Variants in DPYD observed in about 807,000 individuals in gnomAD.
The protein encoded by DPYD is dihydropyrimidine dehydrogenase.
A neutral mutation model predicts 116.2 loss-of-function variants in DPYD; 109 were observed. The observed-to-expected ratio is 0.94, with a 90% CI of 0.80 to 1.10. The LOEUF (loss-of-function observed/expected upper bound fraction) is 1.10, where lower values mean the gene tolerates loss of function less well. DPYD is among the 50% of genes least tolerant of loss of function. DPYD has a pLI of 0.00. For synonymous variants in DPYD, 440 were observed against 432.0 expected (o/e 1.02, Z -0.23); for missense variants, 1,302 against 1,254.5 (o/e 1.04, Z -0.57).
intron 8 of DPYD, among the ~76,000 whole-genome samples, chr1:97,631,120 C>T (rs985199300): frequency 6.6e-6 from 1 of 152,048 alleles, no homozygotes; most frequent in Admixed American, 6.6e-5. Context: ...TGGGCTATGG[C>T]GTCTCAACAG....
At chr1:97,514,684 A>C (rs1476092902) in intron 13 of DPYD, among the ~76,000 whole-genome samples, 3 of 151,804 alleles carry the variant, frequency 2.0e-5, no homozygotes, top group Non-Finnish European at 4.4e-5. Context: ...AATATAAAAA[A>C]TCTTTACGAA....
intron 12 of DPYD, among the ~76,000 whole-genome samples, chr1:97,536,503 T>C (rs1650009485): frequency 6.6e-6 from 1 of 152,182 alleles, no homozygotes; most frequent in African/African-American, 2.4e-5. Flanking sequence ...AGAAGTCAGC[T>C]CTGTTGATAA....
chr1:97,816,014 A>G (rs1426679690), intron 3 of DPYD, among the ~76,000 whole-genome samples: 1 of 152,096 alleles, frequency 6.6e-6, no homozygotes, highest in African/African-American at 2.4e-5. Flanking sequence ...ACCAAATAAC[A>G]TCTTGCACAT....
intron 8 of DPYD, among the ~76,000 whole-genome samples, chr1:97,670,107 AG>A (rs1659776066): frequency 6.6e-6 from 1 of 152,280 alleles, no homozygotes; most frequent in East Asian, 1.9e-4. Flanking sequence ...GCGGAGGGGA[AG>A]GGTTGTGTAC....
chr1:97,417,536 A>G (rs1228191219), intron 14 of DPYD, among the ~76,000 whole-genome samples: 1 of 152,238 alleles, frequency 6.6e-6, no homozygotes, highest in Admixed American at 6.5e-5. Flanking sequence ...TTGAGCTGAA[A>G]GATTGAAGGA....
chr1:97,178,499 T>C (rs535544687), intron 20 of DPYD, among the ~76,000 whole-genome samples: 2 of 152,180 alleles, frequency 1.3e-5, no homozygotes, highest in South Asian at 2.1e-4. Flanking sequence ...CTTATGAAAC[T>C]ATCAGATCTC....
chr1:97,441,985 G>A (rs1675822463), intron 14 of DPYD, among the ~76,000 whole-genome samples: 1 of 152,108 alleles, frequency 6.6e-6, no homozygotes, highest in Non-Finnish European at 1.5e-5. Context: ...GAGTTTTCCA[G>A]TTTGGCTGGC....
intron 19 of DPYD, among the ~76,000 whole-genome samples, chr1:97,206,646 A>ATGTATG (rs10651231): frequency 9.5e-4 from 40 of 42,032 alleles, no homozygotes; most frequent in African/African-American, 7.8e-3. Flanking sequence ...TTTTATATAT[A>ATGTATG]TATATATATA....
rs570044077 is a variant in DPYD, at chr1:97,265,158, C to A, written c.2300-30164G>T. ...TGATACTTGTTGTTTCTTAAATTCCCAAGCTCATGGTAGTAGGTCCTTTGC... is the reference window on the plus strand; with the variant it reads ...TGATACTTGTTGTTTCTTAAATTCCAAAGCTCATGGTAGTAGGTCCTTTGC... On this transcript the variant is annotated intron_variant, in intron 18 of 22. Transcript: ENST00000370192. Among the ~76,000 whole-genome samples, 11 of 152,204 alleles carry A rather than the reference C, an allele frequency of 7.2e-5. No individual in the cohort carries two copies. In the East Asian group the frequency reaches 2.1e-3, roughly 29 times the overall value.
chr1:97,859,686 A>G (rs1179262382), intron 2 of DPYD, among the ~76,000 whole-genome samples: 1 of 152,160 alleles, frequency 6.6e-6, no homozygotes. Flanking sequence ...CCAGCAAGAC[A>G]AGCAACGACA....
chr1:97,596,649 T>C (rs1309423711), intron 8 of DPYD, among the ~76,000 whole-genome samples: 1 of 152,192 alleles, frequency 6.6e-6, no homozygotes, highest in Non-Finnish European at 1.5e-5. Flanking sequence ...TGCTGGTAGA[T>C]ACAGAGTAAT....
intron 14 of DPYD, among the ~76,000 whole-genome samples, chr1:97,432,542 A>G (rs1448366366): frequency 2.0e-5 from 3 of 150,894 alleles, no homozygotes; most frequent in African/African-American, 7.3e-5. Context: ...TATCATGGTT[A>G]TTTTACGTCT....
At chr1:97,616,017 A>G (rs2100758698) in intron 8 of DPYD, among the ~76,000 whole-genome samples, 1 of 152,156 alleles carries the variant, frequency 6.6e-6, no homozygotes, top group African/African-American at 2.4e-5. Flanking sequence ...AGACTGACAG[A>G]CCACTGTCAC....
intron 12 of DPYD, among the ~76,000 whole-genome samples, chr1:97,544,537 T>C (rs985341012): frequency 1.3e-5 from 2 of 152,158 alleles, no homozygotes; most frequent in Non-Finnish European, 2.9e-5. Context: ...TAAAGGTCTG[T>C]TTCTCTCCTT....
chr1:97,306,032 G>A, intron 17 of DPYD, 145 bp downstream of exon 17: 1 of 1,260,534 alleles, frequency 7.9e-7, no homozygotes, highest in East Asian at 2.4e-5. Flanking sequence ...TCCTGTGTTT[G>A]TGGGATCAAG....
chr1:97,747,793 T>C (rs1202891738), intron 3 of DPYD, among the ~76,000 whole-genome samples: 1 of 152,196 alleles, frequency 6.6e-6, no homozygotes, highest in African/African-American at 2.4e-5. Flanking sequence ...GTGCTGGTGC[T>C]TGATTGCCCA....
intron 19 of DPYD, among the ~76,000 whole-genome samples, chr1:97,196,326 C>A (rs989279137): frequency 6.6e-6 from 1 of 151,752 alleles, no homozygotes; most frequent in Non-Finnish European, 1.5e-5. Flanking sequence ...GAGGTTTTGC[C>A]ATATTGCTCA....
intron 20 of DPYD, among the ~76,000 whole-genome samples, chr1:97,144,172 C>T (rs1654440723): frequency 6.6e-6 from 1 of 152,136 alleles, no homozygotes. Flanking sequence ...AAAAAGACAA[C>T]AAATGGGTAC....
At chr1:97,748,095 T>A (rs1664656770) in intron 3 of DPYD, among the ~76,000 whole-genome samples, 1 of 152,126 alleles carries the variant, frequency 6.6e-6, no homozygotes, top group African/African-American at 2.4e-5. Context: ...TTAAACATAG[T>A]AGACATCTGA....
Sources: allele counts gnomAD v4.1 joint callset (sites outside exome capture counted in the v4.1 genomes callset), GRCh38; gene constraint gnomAD v4.1.1; transcripts MANE v1.5; gene names NCBI Gene and HGNC (gene_info 2026-07-23, HGNC 2026-07-21).